The following LTBP1 variants were observed in gnomAD, a reference collection of about 807,000 sequenced individuals.
LTBP1 encodes latent-transforming growth factor beta-binding protein 1.
LTBP1 carries 129 observed loss-of-function variants against 207.6 expected under a neutral mutation model. The observed-to-expected ratio is 0.62, with a 90% CI of 0.54 to 0.72. The LOEUF is 0.72. LTBP1 is among the 30% of genes least tolerant of loss of function. The pLI, the probability that LTBP1 is intolerant of heterozygous loss-of-function variation, is 0.00. For missense variants in LTBP1, 2,281 were observed against 2,217.2 expected (o/e 1.03, Z -0.58); for synonymous variants, 963 against 833.7 (o/e 1.16, Z -2.67).
At chr2:33,153,995 G>A (rs1048874733) in intron 5 of LTBP1, among the ~76,000 whole-genome samples, 1 of 152,300 alleles carries the variant, frequency 6.6e-6, no homozygotes, top group African/African-American at 2.4e-5. Flanking sequence ...TCTACCTCAG[G>A]CCACAGCGCT....
At chr2:33,247,308 C>G (rs539466627) in intron 10 of LTBP1, among the ~76,000 whole-genome samples, 1 of 152,296 alleles carries the variant, frequency 6.6e-6, no homozygotes, top group Non-Finnish European at 1.5e-5. Flanking sequence ...AGAAACATAC[C>G]ATGCTTATCT....
intron 4 of LTBP1, among the ~76,000 whole-genome samples, chr2:33,112,591 G>A (rs1032794693): frequency 2.6e-5 from 4 of 152,222 alleles, no homozygotes; most frequent in African/African-American, 9.6e-5. Context: ...GGAAAGACAA[G>A]AAGGGAGATG....
At chr2:33,397,648 C>T (rs1223067080) in intron 33 of LTBP1, among the ~76,000 whole-genome samples, 3 of 149,232 alleles carry the variant, frequency 2.0e-5, no homozygotes, top group Non-Finnish European at 4.4e-5. Flanking sequence ...GCTGGGACTA[C>T]AGGCACCCGC....
At chr2:33,363,824 G>A (rs548465674) in intron 29 of LTBP1, among the ~76,000 whole-genome samples, 8 of 152,160 alleles carry the variant, frequency 5.3e-5, no homozygotes, top group South Asian at 4.1e-4. Context: ...CACTCATACC[G>A]TGCAAGTGAC....
intron 3 of LTBP1, among the ~76,000 whole-genome samples, chr2:33,101,178 T>A (rs116495863): frequency 1.3e-4 from 20 of 152,318 alleles, no homozygotes; most frequent in Admixed American, 4.6e-4. Context: ...TTAAGGAGTG[T>A]GAACAGCTGA....
chr2:33,352,912 G>C (rs1266004280), intron 26 of LTBP1, among the ~76,000 whole-genome samples: 1 of 149,730 alleles, frequency 6.7e-6, no homozygotes, highest in Non-Finnish European at 1.5e-5. Context: ...TTCCCAAGAT[G>C]ATGACTTTGC....
chr2:33,259,034 G>A (rs942835705), intron 12 of LTBP1, among the ~76,000 whole-genome samples: 1 of 152,150 alleles, frequency 6.6e-6, no homozygotes, highest in African/African-American at 2.4e-5. Context: ...CCTGGCTTGT[G>A]AGATTCTTTT....
At position 33,202,051 on chromosome 2, in the gene LTBP1, A is replaced by G. The variant is rs896548423; in HGVS notation, c.1701+13200A>G. ...CACACACACACACACACACACACAC[A>G]CACACACACAGAGCATTCTAAAGGG... On this transcript the variant is annotated intron_variant, in intron 7 of 33. Coordinates refer to ENST00000404816, the MANE Select transcript of LTBP1 (RefSeq NM_206943.4). Among the ~76,000 whole-genome samples, 20 of 152,010 alleles carry G rather than the reference A, an allele frequency of 1.3e-4. No homozygotes were observed. The East Asian group carries it at 3.9e-3, about 29-fold the overall frequency.
At chr2:33,340,159 G>A (rs1444320358) in intron 24 of LTBP1, among the ~76,000 whole-genome samples, 1 of 151,576 alleles carries the variant, frequency 6.6e-6, no homozygotes, top group Non-Finnish European at 1.5e-5. Context: ...TCAGGAGACT[G>A]AGGCAGGAGA....
rs567376788 is a variant in LTBP1, at chr2:33,201,261, A to T, written c.1701+12410A>T. Among the ~76,000 whole-genome samples the T allele has an allele frequency of 6.6e-5, 10 of 152,342 alleles. No individual in the cohort carries two copies. The East Asian group carries it at 1.7e-3, about 26-fold the overall frequency. On this transcript the variant is annotated intron_variant, in intron 7 of 33. Coordinates refer to ENST00000404816, the MANE Select transcript of LTBP1 (RefSeq NM_206943.4). ...AACAATGATAGACTGGATTAAGAAA[A>T]TGTGGCACATATACACCATGGAATA...
At chr2:33,231,514 C>G (rs1360646700) in intron 9 of LTBP1, among the ~76,000 whole-genome samples, 1 of 152,162 alleles carries the variant, frequency 6.6e-6, no homozygotes. Flanking sequence ...CTACAAAGCG[C>G]TTGTCTGGAC....
intron 9 of LTBP1, among the ~76,000 whole-genome samples, chr2:33,241,559 C>T (rs1375732064): frequency 6.6e-6 from 1 of 152,188 alleles, no homozygotes; most frequent in Non-Finnish European, 1.5e-5. Context: ...TTATAGAAAC[C>T]ACCTAGCAAG....
Position 33,217,624 on chromosome 2 carries a change from A to G in LTBP1, c.1774A>G (p.Asn592Asp), listed in dbSNP as rs2094638934. 1 of 1,613,786 alleles carries G rather than the reference A, an allele frequency of 6.2e-7. No homozygotes were observed. The highest frequency in any genetic ancestry group is 8.5e-7 in the Non-Finnish European group (1 of 1,179,786). The part of the protein sequence containing the change: ...CGTVGTSWGF[N>D]KCQKCPKKPS... Reference sequence around the variant, plus strand: ...AACTGTGGGTACCTCCTGGGGCTTTAACAAATGCCAGAAATGCCCCAAGAA... The same window carrying G: ...AACTGTGGGTACCTCCTGGGGCTTTGACAAATGCCAGAAATGCCCCAAGAA... The change falls in exon 8 of 34, where the codon AAC becomes GAC. Residue 592 changes from asparagine (N) to aspartate (D), a missense_variant. Transcript: ENST00000404816.
intron 4 of LTBP1, among the ~76,000 whole-genome samples, chr2:33,114,692 T>C (rs2080629540): frequency 6.6e-6 from 1 of 152,170 alleles, no homozygotes; most frequent in Non-Finnish European, 1.5e-5. Flanking sequence ...TTTAGAATAA[T>C]GGGCCACACA....
intron 3 of LTBP1, among the ~76,000 whole-genome samples, chr2:33,058,309 C>A (rs1438997102): frequency 6.6e-6 from 1 of 151,974 alleles, no homozygotes; most frequent in African/African-American, 2.4e-5. Flanking sequence ...TGCAAAAGAC[C>A]ATTGACTATA....
At chr2:33,131,272 C>T (rs1462710185) in intron 4 of LTBP1, among the ~76,000 whole-genome samples, 1 of 152,150 alleles carries the variant, frequency 6.6e-6, no homozygotes, top group East Asian at 1.9e-4. Flanking sequence ...GACCAAATGG[C>T]TTTTGCGGGA....
chr2:33,188,198 A>C (rs1369818282), intron 6 of LTBP1, among the ~76,000 whole-genome samples: 2 of 152,172 alleles, frequency 1.3e-5, no homozygotes, highest in East Asian at 1.9e-4. Flanking sequence ...AGGCAGGCGG[A>C]TCACCTGAGG....
chr2:33,268,149 G>A (rs997785417), intron 15 of LTBP1, among the ~76,000 whole-genome samples: 1 of 152,202 alleles, frequency 6.6e-6, no homozygotes, highest in Non-Finnish European at 1.5e-5. Context: ...ACTATACATA[G>A]TGATCTGCAT....
At chr2:33,314,823 A>G (rs771603868) in intron 23 of LTBP1, among the ~76,000 whole-genome samples, 9 of 152,186 alleles carry the variant, frequency 5.9e-5, no homozygotes, top group African/African-American at 1.2e-4. Flanking sequence ...ATTCTCACCA[A>G]TGAAGAGCAT....
Sources: allele counts gnomAD v4.1 joint callset (sites outside exome capture counted in the v4.1 genomes callset), GRCh38; gene constraint gnomAD v4.1.1; transcripts MANE v1.5; gene names NCBI Gene and HGNC (gene_info 2026-07-23, HGNC 2026-07-21).